The following ARL15 variants were observed in gnomAD, a reference collection of about 807,000 sequenced individuals.
ARL15 encodes ADP-ribosylation factor-like protein 15.
Under a neutral mutation model 25.2 loss-of-function variants are expected in ARL15, and 19 were observed. That is an observed-to-expected ratio of 0.75 (90% confidence interval 0.53 to 1.10). ARL15 has a LOEUF of 1.10. ARL15 is among the 50% of genes least tolerant of loss of function. The pLI is 0.00. For synonymous variants in ARL15, 94 were observed against 86.8 expected (o/e 1.08, Z -0.46); for missense variants, 220 against 246.0 (o/e 0.89, Z 0.71).
chr5:53,921,424 C>A (rs1745858685), intron 4 of ARL15, among the ~76,000 whole-genome samples: 2 of 152,170 alleles, frequency 1.3e-5, no homozygotes, highest in South Asian at 4.1e-4. Context: ...GTAATAGAAA[C>A]ATTTTATTTT....
chr5:53,963,324 A>T (rs1747430417), intron 4 of ARL15, among the ~76,000 whole-genome samples: 1 of 152,200 alleles, frequency 6.6e-6, no homozygotes, highest in Non-Finnish European at 1.5e-5. Flanking sequence ...CTTATTCTGG[A>T]ACTGAAGAAT....
chr5:53,889,565 T>A (rs2111889763), intron 4 of ARL15, among the ~76,000 whole-genome samples: 1 of 152,344 alleles, frequency 6.6e-6, no homozygotes, highest in Non-Finnish European at 1.5e-5. Flanking sequence ...TTCAGATCCA[T>A]CACCTAAGTG....
At chr5:54,153,606 T>C (rs1263707069) in intron 3 of ARL15, among the ~76,000 whole-genome samples, 3 of 152,180 alleles carry the variant, frequency 2.0e-5, no homozygotes, top group Non-Finnish European at 4.4e-5. Flanking sequence ...GTTTTATATA[T>C]TAATGCTATA....
intron 1 of ARL15, among the ~76,000 whole-genome samples, chr5:54,298,015 T>G (rs1010320878): frequency 1.3e-5 from 2 of 152,282 alleles, no homozygotes; most frequent in African/African-American, 4.8e-5. Context: ...TCTCCTGACC[T>G]CGTGATCCGC....
intron 4 of ARL15, among the ~76,000 whole-genome samples, chr5:53,927,306 C>G (rs562552752): frequency 1.7e-4 from 26 of 152,308 alleles, no homozygotes; most frequent in Non-Finnish European, 1.3e-4. Flanking sequence ...CATCTCACTC[C>G]TGCCCAGCTC....
intron 3 of ARL15, among the ~76,000 whole-genome samples, chr5:54,130,343 G>A (rs902385797): frequency 3.3e-5 from 5 of 152,090 alleles, no homozygotes; most frequent in Non-Finnish European, 7.4e-5. Flanking sequence ...AGTGTTCTGG[G>A]AAGCACTCTC....
intron 4 of ARL15, among the ~76,000 whole-genome samples, chr5:53,935,855 TC>T (rs2112068033): frequency 6.6e-6 from 1 of 152,270 alleles, no homozygotes; most frequent in South Asian, 2.1e-4. Flanking sequence ...TTCAAGTGAT[TC>T]TCCTGCCTCA....
intron 4 of ARL15, among the ~76,000 whole-genome samples, chr5:53,954,060 C>A (rs1747062506): frequency 6.7e-6 from 1 of 149,156 alleles, no homozygotes; most frequent in African/African-American, 2.5e-5. Context: ...ACAAAGACTT[C>A]TCTGTTCCAT....
chr5:54,222,286 G>A (rs1756399921), intron 1 of ARL15, among the ~76,000 whole-genome samples: 1 of 152,186 alleles, frequency 6.6e-6, no homozygotes, highest in South Asian at 2.1e-4. Flanking sequence ...AAAACATCTA[G>A]GAATAGTGTG....
At chr5:54,244,422 G>C (rs543100574) in intron 1 of ARL15, among the ~76,000 whole-genome samples, 2 of 152,212 alleles carry the variant, frequency 1.3e-5, no homozygotes, top group Admixed American at 6.5e-5. Flanking sequence ...AGGAAGTATG[G>C]AACAGAACTA....
chr5:53,903,779 G>T (rs192721198), intron 4 of ARL15, among the ~76,000 whole-genome samples: 2 of 152,210 alleles, frequency 1.3e-5, no homozygotes, highest in Admixed American at 1.3e-4. Context: ...ATCTTGGGGG[G>T]CCAAGTCAGT....
chr5:53,985,321 T>G (rs1748257960), intron 4 of ARL15, among the ~76,000 whole-genome samples: 1 of 152,174 alleles, frequency 6.6e-6, no homozygotes, highest in Non-Finnish European at 1.5e-5. Context: ...AACATAAAAT[T>G]TACCATCTTA....
chr5:54,304,982 GCAC>G (rs1312606207), intron 1 of ARL15, among the ~76,000 whole-genome samples: 3 of 151,982 alleles, frequency 2.0e-5, no homozygotes, highest in African/African-American at 7.3e-5. Context: ...ACCCTTTGTA[GCAC>G]ATCATGGGTT....
At chr5:54,093,434 C>G (rs1014380110) in intron 4 of ARL15, among the ~76,000 whole-genome samples, 1 of 152,130 alleles carries the variant, frequency 6.6e-6, no homozygotes, top group Non-Finnish European at 1.5e-5. Flanking sequence ...ACAGAGCCTG[C>G]TCATTCTCCC....
chr5:54,041,104 A>C (rs1446266632), intron 4 of ARL15, among the ~76,000 whole-genome samples: 2 of 152,218 alleles, frequency 1.3e-5, no homozygotes, highest in Non-Finnish European at 2.9e-5. Flanking sequence ...AGACACATAC[A>C]AGACAATAAT....
chr5:54,224,941 G>A (rs1375020212), intron 1 of ARL15, among the ~76,000 whole-genome samples: 2 of 152,210 alleles, frequency 1.3e-5, no homozygotes, highest in African/African-American at 2.4e-5. Flanking sequence ...CCCAAGTCCT[G>A]TGTGAATCTA....
chr5:54,199,767 CA>C (rs1211840553), intron 1 of ARL15, among the ~76,000 whole-genome samples: 1 of 139,822 alleles, frequency 7.2e-6, no homozygotes, highest in Admixed American at 7.3e-5. Context: ...CTAGAAATAC[CA>C]TTTGACCCAG....
chr5:54,027,513 C>T (rs552083891), intron 4 of ARL15, among the ~76,000 whole-genome samples: 5 of 152,270 alleles, frequency 3.3e-5, no homozygotes, highest in Admixed American at 1.3e-4. Context: ...ACTATGAATA[C>T]CAACAAGCCT....
intron 1 of ARL15, among the ~76,000 whole-genome samples, chr5:54,208,404 G>A (rs138431043): frequency 5.7e-4 from 87 of 151,350 alleles, no homozygotes; most frequent in African/African-American, 1.9e-3. Flanking sequence ...ATGCACATGC[G>A]CACACACACA....
Sources: gnomAD v4.1 joint callset for allele counts (sites outside exome capture counted in the v4.1 genomes callset) on GRCh38, gnomAD v4.1.1 for gene constraint, MANE v1.5 for transcripts, NCBI Gene and HGNC (gene_info 2026-07-23, HGNC 2026-07-21) for gene names.